Variants in SLC44A5 observed in about 807,000 individuals in gnomAD.
The protein encoded by SLC44A5 is choline transporter-like protein 5.
In SLC44A5, 57 loss-of-function variants were observed where a neutral mutation model predicts 101.8. That is an observed-to-expected ratio of 0.56 (90% CI 0.45 to 0.70). The LOEUF (loss-of-function observed/expected upper bound fraction) is 0.70, where lower values mean the gene tolerates loss of function less well. SLC44A5 is among the 30% of genes least tolerant of loss of function. SLC44A5 has a pLI of 0.00. For synonymous variants in SLC44A5, 281 were observed against 290.9 expected (o/e 0.97, Z 0.35); for missense variants, 737 against 853.1 (o/e 0.86, Z 1.70).
At chr1:75,648,768 A>G in the SLC44A5 span, among the ~76,000 whole-genome samples, 5 of 149,796 alleles carry the variant, frequency 3.3e-5, no homozygotes, top group African/African-American at 7.4e-5. Flanking sequence ...CTTTGATGGG[A>G]AAAAAAAGGA....
chr1:75,593,120 A>G (rs1674441657), intron 1 of SLC44A5, among the ~76,000 whole-genome samples: 1 of 152,112 alleles, frequency 6.6e-6, no homozygotes, highest in African/African-American at 2.4e-5. Context: ...ACCAGAATAC[A>G]CAAGGAACTC....
chr1:75,605,139 G>C (rs971366029), intron 1 of SLC44A5, among the ~76,000 whole-genome samples: 2 of 151,946 alleles, frequency 1.3e-5, no homozygotes, highest in African/African-American at 4.8e-5. Flanking sequence ...TTTGAACACT[G>C]AAAGACAATC....
At chr1:75,589,099 T>C (rs192152409) in intron 1 of SLC44A5, among the ~76,000 whole-genome samples, 3 of 150,664 alleles carry the variant, frequency 2.0e-5, no homozygotes, top group East Asian at 1.9e-4. Flanking sequence ...CCCTCTCTCT[T>C]TCTCTCTCTC....
the SLC44A5 span, among the ~76,000 whole-genome samples, chr1:75,693,125 G>A: frequency 6.6e-6 from 1 of 152,142 alleles, no homozygotes; most frequent in African/African-American, 2.4e-5. Flanking sequence ...GCTGAGGTTG[G>A]GGTATCAAAG....
At chr1:75,650,259 A>C in the SLC44A5 span, among the ~76,000 whole-genome samples, 20 of 152,176 alleles carry the variant, frequency 1.3e-4, no homozygotes, top group Admixed American at 9.2e-4. Flanking sequence ...TGTATTATTA[A>C]GCAAAAACAT....
At chr1:75,305,368 A>G (rs1203229593) in intron 4 of SLC44A5, among the ~76,000 whole-genome samples, 2 of 152,176 alleles carry the variant, frequency 1.3e-5, no homozygotes, top group Non-Finnish European at 2.9e-5. Flanking sequence ...TTTTGCAAGT[A>G]GTTTCTGCCT....
At chr1:75,488,462 A>T (rs1225815577) in intron 2 of SLC44A5, among the ~76,000 whole-genome samples, 1 of 152,214 alleles carries the variant, frequency 6.6e-6, no homozygotes, top group African/African-American at 2.4e-5. Flanking sequence ...GGGGATCACC[A>T]TTGCATACGT....
chr1:75,489,383 A>T (rs1054043012), intron 2 of SLC44A5, among the ~76,000 whole-genome samples: 1 of 152,234 alleles, frequency 6.6e-6, no homozygotes, highest in Admixed American at 6.5e-5. Flanking sequence ...AGTTAGATGA[A>T]AAAGAAAAAC....
intron 2 of SLC44A5, among the ~76,000 whole-genome samples, chr1:75,433,753 G>A (rs1311838381): frequency 2.0e-5 from 3 of 152,070 alleles, no homozygotes; most frequent in Admixed American, 2.0e-4. Flanking sequence ...CTCTGTATTT[G>A]TTTGTTTTCA....
At chr1:75,708,461 G>C in the SLC44A5 span, among the ~76,000 whole-genome samples, 2 of 148,376 alleles carry the variant, frequency 1.3e-5, no homozygotes, top group Non-Finnish European at 3.0e-5. Context: ...TTTGACCCAG[G>C]AAGTATGTGA....
chr1:75,435,775 C>A (rs1469025219), intron 2 of SLC44A5, among the ~76,000 whole-genome samples: 1 of 152,098 alleles, frequency 6.6e-6, no homozygotes, highest in Non-Finnish European at 1.5e-5. Context: ...AGATCATCAG[C>A]AATGTTATCA....
chr1:75,496,968 A>G (rs1340085689), intron 2 of SLC44A5, among the ~76,000 whole-genome samples: 1 of 152,132 alleles, frequency 6.6e-6, no homozygotes, highest in African/African-American at 2.4e-5. Context: ...TTATTATCAA[A>G]AAGACAAAAA....
intron 2 of SLC44A5, among the ~76,000 whole-genome samples, chr1:75,412,849 A>T (rs912234663): frequency 1.1e-4 from 16 of 152,126 alleles, no homozygotes; most frequent in African/African-American, 3.9e-4. Context: ...CATCATCATC[A>T]TCTGCTCCTG....
the SLC44A5 span, among the ~76,000 whole-genome samples, chr1:75,630,751 A>G: frequency 6.6e-6 from 1 of 152,186 alleles, no homozygotes; most frequent in East Asian, 1.9e-4. Context: ...ATAAGAAGAG[A>G]TCAGTGGATG....
At chr1:75,318,383 GAAAGAA>G (rs1655869686) in intron 4 of SLC44A5, among the ~76,000 whole-genome samples, 4 of 80,090 alleles carry the variant, frequency 5.0e-5, no homozygotes, top group Non-Finnish European at 1.2e-4. Flanking sequence ...AAGAAAGAAA[GAAAGAA>G]AGAAAGAAAG....
At chr1:75,250,011 TA>T (rs1467317684) in intron 7 of SLC44A5, among the ~76,000 whole-genome samples, 1 of 152,182 alleles carries the variant, frequency 6.6e-6, no homozygotes, top group Non-Finnish European at 1.5e-5. Context: ...TAAAAACTTT[TA>T]TTTTAAGTTC....
At chr1:75,602,940 A>G (rs1557952764) in intron 1 of SLC44A5, among the ~76,000 whole-genome samples, 2 of 152,130 alleles carry the variant, frequency 1.3e-5, no homozygotes, top group Non-Finnish European at 2.9e-5. Flanking sequence ...ATTTTTAATA[A>G]AATGTAAATT....
chr1:75,363,238 T>C (rs997144582), intron 3 of SLC44A5, among the ~76,000 whole-genome samples: 2 of 152,032 alleles, frequency 1.3e-5, no homozygotes, highest in Non-Finnish European at 2.9e-5. Flanking sequence ...TTGGGTCTTA[T>C]TTTTTTAACC....
chr1:75,203,912 C>T lies in SLC44A5; in HGVS notation c.2048-79G>A. The T allele has an allele frequency of 2.2e-6, 3 of 1,380,260 alleles. No homozygotes were observed. In the South Asian group the frequency reaches 4.8e-5, roughly 22 times the overall value. The allele number at this position is 1,380,260 out of a possible 1,614,324, so 85.5% of individuals were successfully genotyped here. On this transcript the variant is annotated intron_variant, in intron 23 of 23. Transcript: ENST00000370859. Reference sequence around the variant, plus strand: ...AACACCGCCATCTGCTGTATACTCGCTTTACAGCAGTTCAAAATCCTTTTG... The same window carrying T: ...AACACCGCCATCTGCTGTATACTCGTTTTACAGCAGTTCAAAATCCTTTTG...
Sources: gnomAD v4.1 joint callset for allele counts (sites outside exome capture counted in the v4.1 genomes callset) on GRCh38, gnomAD v4.1.1 for gene constraint, MANE v1.5 for transcripts, NCBI Gene and HGNC (gene_info 2026-07-23, HGNC 2026-07-21) for gene names.